The following SLC44A3 variants were observed in gnomAD, a reference collection of about 807,000 sequenced individuals.
SLC44A3 encodes the protein choline transporter-like protein 3.
A neutral mutation model predicts 75.4 loss-of-function variants in SLC44A3; 74 were observed. The ratio of observed to expected loss-of-function variants is 0.98; its 90% CI spans 0.81 to 1.19. SLC44A3 has a LOEUF of 1.19. SLC44A3 is among the 50% of genes most tolerant of loss of function. The pLI is 0.00. For missense variants in SLC44A3, 700 were observed against 778.6 expected (o/e 0.90, Z 1.20); for synonymous variants, 310 against 296.9 (o/e 1.04, Z -0.45).
chr1:94,840,654 T>C (rs2101050646), intron 7 of SLC44A3, among the ~76,000 whole-genome samples: 1 of 152,348 alleles, frequency 6.6e-6, no homozygotes, highest in South Asian at 2.1e-4. Flanking sequence ...ACCGTGATCC[T>C]GTATCCATAA....
chr1:94,857,205 G>A (rs999246691), intron 9 of SLC44A3, 130 bp from the exon 10 acceptor site: 2 of 822,742 alleles, frequency 2.4e-6, no homozygotes, highest in South Asian at 2.2e-5. Flanking sequence ...TTAAATTATG[G>A]TGGGTACTTG....
intron 12 of SLC44A3, among the ~76,000 whole-genome samples, chr1:94,869,254 A>G (rs1244535325): frequency 6.6e-6 from 1 of 152,250 alleles, no homozygotes; most frequent in Non-Finnish European, 1.5e-5. Context: ...TTCCAAACTC[A>G]TAAGTGACAT....
chr1:94,835,286 CAA>C (rs1255465032), intron 5 of SLC44A3, among the ~76,000 whole-genome samples: 1 of 151,990 alleles, frequency 6.6e-6, no homozygotes, highest in Non-Finnish European at 1.5e-5. Flanking sequence ...TCTGTCTCTA[CAA>C]AAAACATAAA....
intron 12 of SLC44A3, among the ~76,000 whole-genome samples, chr1:94,873,963 T>C (rs1248161109): frequency 6.6e-6 from 1 of 152,200 alleles, no homozygotes; most frequent in African/African-American, 2.4e-5. Context: ...ACAGCGGTGG[T>C]TCTGAATCCT....
intron 2 of SLC44A3, among the ~76,000 whole-genome samples, chr1:94,824,109 G>A (rs1660975882): frequency 6.6e-6 from 1 of 151,830 alleles, no homozygotes; most frequent in Admixed American, 6.6e-5. Flanking sequence ...AAAAAACCTT[G>A]GGGAAAGAAT....
Position 94,845,446 on chromosome 1 carries a change from C to A in SLC44A3, c.1054C>A (p.Leu352Met). The change falls in exon 9 of 15, where the codon CTG becomes ATG. Residue 352 changes from leucine to methionine, a missense_variant. By Grantham distance (15) the Leu-to-Met change is conservative. Transcript: ENST00000271227. ...CTGGGTCCTCTGGGTGGCTGTGCTG[C>A]TGAGCCTGGGAACTGCAGGTAAGGG... ...FFWVLWVAVLLSLGTAGAAQV... is the reference protein window; with the variant it reads ...FFWVLWVAVLMSLGTAGAAQV... The A allele has an allele frequency of 6.2e-7, 1 of 1,612,212 alleles. No homozygotes were observed. The highest frequency in any genetic ancestry group is 8.5e-7 in the Non-Finnish European group (1 of 1,179,846).
At chr1:94,822,026 G>A (rs1660673205) in intron 2 of SLC44A3, among the ~76,000 whole-genome samples, 1 of 152,330 alleles carries the variant, frequency 6.6e-6, no homozygotes, top group African/African-American at 2.4e-5. Flanking sequence ...GAGAGACAGT[G>A]CACCTACAAT....
chr1:94,842,494 C>T (rs1464320079), intron 8 of SLC44A3, among the ~76,000 whole-genome samples: 1 of 152,254 alleles, frequency 6.6e-6, no homozygotes, highest in African/African-American at 2.4e-5. Flanking sequence ...TCAGCTTCCG[C>T]TGCCCTCTAG....
chr1:94,849,000 A>T (rs1664830339), intron 9 of SLC44A3, among the ~76,000 whole-genome samples: 1 of 152,146 alleles, frequency 6.6e-6, no homozygotes, highest in African/African-American at 2.4e-5. Context: ...CAGTGAAGTC[A>T]GAAAGGAGCA....
intron 12 of SLC44A3, among the ~76,000 whole-genome samples, chr1:94,882,304 A>C (rs951458917): frequency 2.6e-5 from 4 of 152,160 alleles, no homozygotes; most frequent in Non-Finnish European, 5.9e-5. Context: ...TGCTGCCTGG[A>C]GTTCCTTGCC....
rs536277605 is a variant in SLC44A3, at chr1:94,823,615, G to A, written c.136-878G>A. On this transcript the variant is annotated intron_variant, in intron 2 of 14. Transcript: ENST00000271227. ...TTTGATTTCTAAATTAGTAATAAAT[G>A]CAGAATGTCTAGAAGGTATTTGAAT... 2.6e-4 allele frequency among the ~76,000 whole-genome samples: 39 copies of A among 152,328 alleles called. No homozygotes were observed. The Middle Eastern group carries it at 0.017, about 66-fold the overall frequency.
chr1:94,829,515 G>C (rs1210855902), intron 5 of SLC44A3, among the ~76,000 whole-genome samples: 2 of 152,154 alleles, frequency 1.3e-5, no homozygotes, highest in African/African-American at 4.8e-5. Flanking sequence ...GCACATGGTA[G>C]GCACCTTACA....
chr1:94,832,761 G>A (rs1345749500), intron 5 of SLC44A3, among the ~76,000 whole-genome samples: 1 of 152,184 alleles, frequency 6.6e-6, no homozygotes, highest in Non-Finnish European at 1.5e-5. Context: ...ATTGCTTGAG[G>A]CCAGGAGTTC....
At chr1:94,891,449 T>G (rs1183139782) in intron 13 of SLC44A3, among the ~76,000 whole-genome samples, 182 bp downstream of exon 13, 1 of 152,210 alleles carries the variant, frequency 6.6e-6, no homozygotes, top group Non-Finnish European at 1.5e-5. Context: ...AAATGAAGGT[T>G]TAATAACCTT....
intron 6 of SLC44A3, among the ~76,000 whole-genome samples, chr1:94,839,298 A>G (rs1663246837): frequency 9.4e-6 from 1 of 106,350 alleles, no homozygotes; most frequent in Admixed American, 9.4e-5. Context: ...AAAAGATTTA[A>G]GTATGATAAT....
chr1:94,889,518 A>G (rs1385782101), intron 12 of SLC44A3, among the ~76,000 whole-genome samples: 2 of 88,564 alleles, frequency 2.3e-5, no homozygotes, highest in Non-Finnish European at 5.0e-5. Context: ...TCTCATGTGA[A>G]CATAATCACA....
chr1:94,858,413 A>G (rs1666165135), intron 10 of SLC44A3, among the ~76,000 whole-genome samples: 1 of 152,132 alleles, frequency 6.6e-6, no homozygotes, highest in African/African-American at 2.4e-5. Flanking sequence ...ACACACAAAC[A>G]CACACACCCC....
intron 5 of SLC44A3, 100 bp from the exon 6 acceptor site, chr1:94,837,611 A>C: frequency 1.7e-6 from 2 of 1,183,328 alleles, no homozygotes; most frequent in Non-Finnish European, 2.3e-6. Context: ...CTATTACTGT[A>C]GTTCTTAAGC....
intron 9 of SLC44A3, among the ~76,000 whole-genome samples, chr1:94,848,011 G>A (rs557269209): frequency 1.3e-5 from 2 of 152,300 alleles, no homozygotes; most frequent in Non-Finnish European, 2.9e-5. Context: ...GGCGGATCAT[G>A]AGGTCATGAG....
Sources: gnomAD v4.1 joint callset for allele counts (sites outside exome capture counted in the v4.1 genomes callset) on GRCh38, gnomAD v4.1.1 for gene constraint, MANE v1.5 for transcripts, NCBI Gene and HGNC (gene_info 2026-07-23, HGNC 2026-07-21) for gene names.